PCDHGB4: variants seen among roughly 807,000 people sequenced by gnomAD.
PCDHGB4 encodes protocadherin gamma subfamily B, 4, also known as protocadherin gamma-B4.
PCDHGB4 carries 38 observed loss-of-function variants against 60.5 expected under a neutral mutation model. The observed-to-expected ratio is 0.63, with a 90% CI of 0.48 to 0.82. The LOEUF (loss-of-function observed/expected upper bound fraction) is 0.82, where lower values mean the gene tolerates loss of function less well. PCDHGB4 is among the 40% of genes least tolerant of loss of function. The pLI is 0.00. For synonymous variants in PCDHGB4, 456 were observed against 509.7 expected, an observed-to-expected ratio of 0.89 and a Z score of 1.42; for missense variants, 1,109 against 1,209.6, an observed-to-expected ratio of 0.92 and a Z score of 1.23.
chr5:141,468,159 T>C (rs1408861467), intron 1 of PCDHGB4, among the ~76,000 whole-genome samples: 2 of 151,760 alleles, frequency 1.3e-5, no homozygotes, highest in Admixed American at 6.6e-5. Context: ...ACCCTGTCTC[T>C]GCTAAAAATA....
chr5:141,494,076 G>A (rs538740530), intron 1 of PCDHGB4, among the ~76,000 whole-genome samples: 24 of 152,234 alleles, frequency 1.6e-4, no homozygotes, highest in African/African-American at 4.3e-4. Flanking sequence ...ATCCCTCCCC[G>A]CTGCATCCCT....
At chr5:141,467,431 C>T (rs1452587540) in intron 1 of PCDHGB4, among the ~76,000 whole-genome samples, 1 of 152,170 alleles carries the variant, frequency 6.6e-6, no homozygotes, top group African/African-American at 2.4e-5. Flanking sequence ...GTTATAGAAA[C>T]ATTCATTACT....
At chr5:141,452,003 T>C (rs1031228207) in intron 1 of PCDHGB4, among the ~76,000 whole-genome samples, 2 of 152,210 alleles carry the variant, frequency 1.3e-5, no homozygotes, top group Non-Finnish European at 2.9e-5. Context: ...CAAAATCACT[T>C]GGTCCAGCCC....
rs1350353768 is a variant in PCDHGB4, at chr5:141,476,524, T to A, written c.2398-18283T>A. Reference sequence around the variant, plus strand: ...TCAACGACAACAATCCTGCTTTCCCTACCCAGGAAATGAAATTGGAGATTA... The same window carrying A: ...TCAACGACAACAATCCTGCTTTCCCAACCCAGGAAATGAAATTGGAGATTA... On this transcript the variant is annotated intron_variant, in intron 1 of 3. Coordinates refer to ENST00000519479, the MANE Select transcript of PCDHGB4 (RefSeq NM_003736.4). The surrounding 1 kb of genome is among the most constrained non-coding windows in gnomAD (Gnocchi z 7.6). The A allele has an allele frequency of 1.2e-5, 20 of 1,614,064 alleles. No homozygotes were observed. The highest frequency in any genetic ancestry group is 1.7e-5 in the Non-Finnish European group (20 of 1,180,036).
chr5:141,461,667 G>C (rs1337688159), intron 1 of PCDHGB4, among the ~76,000 whole-genome samples: 4 of 151,994 alleles, frequency 2.6e-5, no homozygotes, highest in African/African-American at 9.7e-5. Context: ...TTTAAAGTTT[G>C]TTATTTTGTT....
chr5:141,403,487 T>C, intron 1 of PCDHGB4: 1 of 1,613,930 alleles, frequency 6.2e-7, no homozygotes. Flanking sequence ...TCACCACTTC[T>C]CCCTGAACGT....
rs202065305 is a variant in PCDHGB4 at position 141,410,175 on chromosome 5, C to A, written c.2397+19894C>A. 1.1e-5 allele frequency: 17 copies of A among 1,613,752 alleles called. No homozygotes were observed. In the African/African-American group the frequency reaches 2.1e-4, roughly 20 times the overall value. ...GGACAGCCGCCACTCTCTGCCACCG[C>A]CACGCTTCATCTGGTCTTCGCAGAC... On this transcript the variant is annotated intron_variant, in intron 1 of 3. Transcript: ENST00000519479.
At chr5:141,415,165 C>T (rs1410806560) in intron 1 of PCDHGB4, 10 of 1,613,746 alleles carry the variant, frequency 6.2e-6, no homozygotes, top group Non-Finnish European at 8.5e-6. Context: ...CACTGTCACG[C>T]TCACCGTGGC....
chr5:141,475,715 C>A (rs989484033), intron 1 of PCDHGB4, among the ~76,000 whole-genome samples: 3 of 152,366 alleles, frequency 2.0e-5, no homozygotes, highest in South Asian at 4.1e-4. Context: ...AGCCTCACAG[C>A]CCCAAGGCTG....
intron 1 of PCDHGB4, chr5:141,395,187 T>C: frequency 6.2e-7 from 1 of 1,614,162 alleles, no homozygotes; most frequent in Non-Finnish European, 8.5e-7. Flanking sequence ...TGATTCTTTG[T>C]TAACATCCGT....
In PCDHGB4 at chr5:141,389,811, G is replaced by A; in HGVS notation, c.1927G>A (p.Ala643Thr). Reference protein sequence around the residue: ...RDAVRQRLLVAVRDGGQPPLS... With the variant: ...RDAVRQRLLVTVRDGGQPPLS... ...CGCCGTCCGCCAGCGCCTTCTGGTC[G>A]CCGTGCGTGACGGTGGACAGCCACC... Residue 643 changes from alanine (A) to threonine (T), a missense_variant, in exon 1 of 4, where the codon GCC becomes ACC. By Grantham distance (58) the Ala-to-Thr change is moderately conservative (BLOSUM62 0). This residue lies in a region of PCDHGB4 where 1,068 missense variants were observed against 1,089.9 expected (regional missense o/e 0.98). Coordinates refer to ENST00000519479, the MANE Select transcript of PCDHGB4 (RefSeq NM_003736.4). 1 of 1,613,822 alleles carries A rather than the reference G, an allele frequency of 6.2e-7. No homozygotes were observed. The highest frequency in any genetic ancestry group is 8.5e-7 in the Non-Finnish European group (1 of 1,179,870).
In PCDHGB4 at chr5:141,509,341, G is replaced by C. The variant is rs552337350; in HGVS notation, c.2546-1606G>C. Among the ~76,000 whole-genome samples, 4 of 152,290 alleles carry C rather than the reference G, an allele frequency of 2.6e-5. No homozygotes were observed. The East Asian group carries it at 7.7e-4, about 29-fold the overall frequency. On this transcript the variant is annotated intron_variant, in intron 3 of 3. Transcript: ENST00000519479. ...GAAGCTCTACTGCCAGCTGGGCCTG[G>C]GCTGGCCTGGGCATCCCTGAGGTTT...
chr5:141,393,623 T>A (rs1446921809), intron 1 of PCDHGB4: 2 of 1,613,916 alleles, frequency 1.2e-6, no homozygotes, highest in African/African-American at 2.7e-5. Flanking sequence ...GCGACCCGGA[T>A]GAGGGAATCA....
At chr5:141,413,648 TC>T in intron 1 of PCDHGB4, 1 of 1,613,820 alleles carries the variant, frequency 6.2e-7, no homozygotes, top group Non-Finnish European at 8.5e-7. Context: ...CGTTTTCCTC[TC>T]CCGGAAGCTA....
At position 141,465,539 on chromosome 5, in the gene PCDHGB4, T is replaced by C. The variant is rs2099105222; in HGVS notation, c.2398-29268T>C. On this transcript the variant is annotated intron_variant, in intron 1 of 3. Transcript: ENST00000519479. ...GATTCTGGGGAAGTTTTCCCAGGCA[T>C]TTTTTCTGCTGAAGCTTTGGTAACT... Among the ~76,000 whole-genome samples the C allele has an allele frequency of 2.0e-5, 3 of 152,178 alleles. No homozygotes were observed. In the South Asian group the frequency reaches 6.2e-4, roughly 32 times the overall value.
chr5:141,460,224 T>C (rs986301555), intron 1 of PCDHGB4, among the ~76,000 whole-genome samples: 1 of 152,168 alleles, frequency 6.6e-6, no homozygotes, highest in African/African-American at 2.4e-5. Context: ...GTTGTGTCTT[T>C]TGAAGAGCAG....
chr5:141,439,310 A>G lies in PCDHGB4; in HGVS notation c.2397+49029A>G, dbSNP rs775009481. ...TCCATGGAAAAAGTAAAGCCCAGGCATGGAAGTGGGAATGGAAAGAAAGAT... is the reference window on the plus strand; with the variant it reads ...TCCATGGAAAAAGTAAAGCCCAGGCGTGGAAGTGGGAATGGAAAGAAAGAT... On this transcript the variant is annotated intron_variant, in intron 1 of 3. Transcript: ENST00000519479. 1.6e-4 allele frequency among the ~76,000 whole-genome samples: 24 copies of G among 152,320 alleles called. No homozygotes were observed. In the South Asian group the frequency reaches 4.1e-3, roughly 26 times the overall value.
chr5:141,432,173 GTC>G lies in PCDHGB4; in HGVS notation c.2397+41896_2397+41897del. 6.2e-7 allele frequency: 1 copy of G among 1,614,054 alleles called. No individual in the cohort carries two copies. Among genetic ancestry groups the G allele is most frequent in the Non-Finnish European group, 8.5e-7 (1 of 1,180,018 alleles). Reference sequence around the variant, plus strand: ...GAACAATCCCAGAGGAGTTTCCCTCGTCTCTGTGACCGCCCACGACCCCGACT... The same window carrying G: ...GAACAATCCCAGAGGAGTTTCCCTCGTCTGTGACCGCCCACGACCCCGACT... On this transcript the variant is annotated intron_variant, in intron 1 of 3. Coordinates refer to ENST00000519479, the MANE Select transcript of PCDHGB4 (RefSeq NM_003736.4). This position sits in a 1 kb window ranked among gnomAD's most constrained non-coding sequence, Gnocchi z 6.0.
At chr5:141,500,215 T>G (rs888740312) in intron 2 of PCDHGB4, among the ~76,000 whole-genome samples, 8 of 150,660 alleles carry the variant, frequency 5.3e-5, no homozygotes, top group African/African-American at 1.9e-4. Context: ...TTTATTTATT[T>G]ATTTATTTAT....
Sources: gnomAD v4.1 joint callset for allele counts (sites outside exome capture counted in the v4.1 genomes callset) on GRCh38, gnomAD v4.1.1 for gene constraint, gnomAD v4.1.1 regional missense constraint, Gnocchi (gnomAD v3.1) non-coding constraint, MANE v1.5 for transcripts, NCBI Gene and HGNC (gene_info 2026-07-23, HGNC 2026-07-21) for gene names.